CBFA2T2: variants seen among roughly 807,000 people sequenced by gnomAD.
CBFA2T2 encodes CBFA2/RUNX1 partner transcriptional co-repressor 2.
Under a neutral mutation model 62.2 loss-of-function variants are expected in CBFA2T2, and 11 were observed. The observed-to-expected ratio is 0.18, with a 90% CI of 0.11 to 0.29. The LOEUF (loss-of-function observed/expected upper bound fraction) is 0.29, where lower values mean the gene tolerates loss of function less well. Ranked by LOEUF, CBFA2T2 falls within the 10% of genes least tolerant of loss-of-function variation. The pLI is 1.00. For missense variants in CBFA2T2, 592 were observed against 774.1 expected, an observed-to-expected ratio of 0.76 and a Z score of 2.79; for synonymous variants, 295 against 287.5, an observed-to-expected ratio of 1.03 and a Z score of -0.27.
chr20:33,594,403 G>A (rs1342934344), intron 1 of CBFA2T2, among the ~76,000 whole-genome samples: 1 of 151,960 alleles, frequency 6.6e-6, no homozygotes, highest in Non-Finnish European at 1.5e-5. Context: ...TATGTTTTTA[G>A]TAGAGACAGG....
At chr20:33,544,845 T>C (rs2012493916) in intron 1 of CBFA2T2, among the ~76,000 whole-genome samples, 1 of 152,104 alleles carries the variant, frequency 6.6e-6, no homozygotes, top group South Asian at 2.1e-4. Flanking sequence ...GTGCCCGGCC[T>C]ATGTGGTTTA....
At chr20:33,571,985 G>A (rs1029769784) in intron 1 of CBFA2T2, among the ~76,000 whole-genome samples, 4 of 152,168 alleles carry the variant, frequency 2.6e-5, no homozygotes, top group Non-Finnish European at 5.9e-5. Flanking sequence ...CCGCCTCCCA[G>A]GTTCAAACGA....
At chr20:33,510,615 T>C (rs552219984) in intron 1 of CBFA2T2, among the ~76,000 whole-genome samples, 14 of 152,216 alleles carry the variant, frequency 9.2e-5, no homozygotes, top group Non-Finnish European at 1.8e-4. Flanking sequence ...TATGTCTTTA[T>C]AGTAGCATGA....
intron 8 of CBFA2T2, among the ~76,000 whole-genome samples, chr20:33,634,210 A>C (rs913821192): frequency 6.6e-6 from 1 of 151,970 alleles, no homozygotes; most frequent in Admixed American, 6.6e-5. Context: ...CTCGTGATCC[A>C]CCCGCCTTGG....
At chr20:33,600,779 G>C (rs998234776) in intron 1 of CBFA2T2, among the ~76,000 whole-genome samples, 2 of 151,992 alleles carry the variant, frequency 1.3e-5, no homozygotes, top group African/African-American at 4.8e-5. Flanking sequence ...CCATAAGTGA[G>C]GTCCCTCCCT....
At chr20:33,535,554 G>C (rs1452448313) in intron 1 of CBFA2T2, among the ~76,000 whole-genome samples, 1 of 150,400 alleles carries the variant, frequency 6.6e-6, no homozygotes, top group Non-Finnish European at 1.5e-5. Context: ...GCAGGAGAAG[G>C]CTTCTTTGTT....
At position 33,644,638 on chromosome 20, in the gene CBFA2T2, G is replaced by A. The variant is rs1048352979; in HGVS notation, c.1780G>A (p.Gly594Arg). 1.2e-5 allele frequency: 20 copies of A among 1,602,872 alleles called. No individual in the cohort carries two copies. Among genetic ancestry groups the A allele is most frequent in the Non-Finnish European group, 1.7e-5 (20 of 1,171,762 alleles). ...TTCTGTGACAGCTATCGACACCAAC[G>A]GACTCTGAGCCCCGGACTCTGCTTA... ...PASVTAIDTN[G>R]L The change falls in exon 11 of 11, where the codon GGA becomes AGA. Residue 594 changes from glycine (G) to arginine (R), a missense_variant. By Grantham distance (125) the Gly-to-Arg change is moderately radical (BLOSUM62 -2). Coordinates refer to ENST00000342704, the MANE Select transcript of CBFA2T2 (RefSeq NM_001032999.3).
At chr20:33,508,945 C>T (rs78772364) in intron 1 of CBFA2T2, among the ~76,000 whole-genome samples, 1 of 152,216 alleles carries the variant, frequency 6.6e-6, no homozygotes, top group Non-Finnish European at 1.5e-5. Flanking sequence ...CACAAACTTA[C>T]TTGTTTTAAA....
intron 6 of CBFA2T2, among the ~76,000 whole-genome samples, chr20:33,627,370 C>T (rs1811115953): frequency 6.6e-6 from 1 of 152,040 alleles, no homozygotes; most frequent in Non-Finnish European, 1.5e-5. Flanking sequence ...GCACTCCATC[C>T]TGGCAACAGA....
At chr20:33,542,090 T>A (rs1373087499) in intron 1 of CBFA2T2, among the ~76,000 whole-genome samples, 1 of 152,184 alleles carries the variant, frequency 6.6e-6, no homozygotes, top group Non-Finnish European at 1.5e-5. Context: ...AAGAACTTAT[T>A]AAAGTTTGGA....
intron 1 of CBFA2T2, among the ~76,000 whole-genome samples, chr20:33,529,849 A>G (rs1401240539): frequency 6.7e-6 from 1 of 148,538 alleles, no homozygotes; most frequent in East Asian, 2.0e-4. Flanking sequence ...CAGTGGTGCA[A>G]TCTGGGCACA....
At chr20:33,547,286 T>A (rs1322002244) in intron 1 of CBFA2T2, among the ~76,000 whole-genome samples, 1 of 152,096 alleles carries the variant, frequency 6.6e-6, no homozygotes, top group Non-Finnish European at 1.5e-5. Context: ...CAGCTATACC[T>A]TTGAAGCTGA....
intron 1 of CBFA2T2, among the ~76,000 whole-genome samples, chr20:33,595,808 G>T (rs990181255): frequency 1.3e-5 from 2 of 152,164 alleles, no homozygotes; most frequent in African/African-American, 2.4e-5. Flanking sequence ...CCAAAGTGCT[G>T]GGATTACAGA....
chr20:33,619,447 A>T, intron 3 of CBFA2T2, 70 bp from the exon 4 acceptor site: 3 of 730,294 alleles, frequency 4.1e-6, no homozygotes, highest in Non-Finnish European at 6.5e-6. Context: ...AAAAAAAAAA[A>T]GAAGAGTTTG....
intron 10 of CBFA2T2, among the ~76,000 whole-genome samples, chr20:33,640,750 T>C (rs867410467): frequency 6.6e-6 from 1 of 152,198 alleles, no homozygotes; most frequent in East Asian, 1.9e-4. Context: ...TACATACATA[T>C]ATATATAGAG....
intron 1 of CBFA2T2, chr20:33,562,390 C>G (rs2013116982): frequency 1.0e-6 from 1 of 986,006 alleles, no homozygotes; most frequent in African/African-American, 1.7e-5. Context: ...GAGAGACTGA[C>G]TGTATCTGGG....
chr20:33,623,369 G>A, intron 5 of CBFA2T2, 73 bp downstream of exon 5: 1 of 1,550,638 alleles, frequency 6.4e-7, no homozygotes, highest in South Asian at 1.1e-5. Context: ...ATAAAAGAGA[G>A]AGAATTTGAT....
At chr20:33,537,648 T>A (rs1359204500) in intron 1 of CBFA2T2, among the ~76,000 whole-genome samples, 1 of 152,236 alleles carries the variant, frequency 6.6e-6, no homozygotes, top group Non-Finnish European at 1.5e-5. Flanking sequence ...TAGATTTACA[T>A]GTAGATCTAA....
intron 8 of CBFA2T2, among the ~76,000 whole-genome samples, chr20:33,633,980 T>C (rs1051480986): frequency 6.6e-6 from 1 of 152,336 alleles, no homozygotes; most frequent in South Asian, 2.1e-4. Context: ...TTTGTTTGTT[T>C]TTGTTTGAAA....
Sources: allele counts gnomAD v4.1 joint callset (sites outside exome capture counted in the v4.1 genomes callset), GRCh38; gene constraint gnomAD v4.1.1; transcripts MANE v1.5; gene names NCBI Gene and HGNC (gene_info 2026-07-23, HGNC 2026-07-21).